LCA5L: variants seen among roughly 807,000 people sequenced by gnomAD.
LCA5L encodes the protein lebercilin LCA5 like.
Under a neutral mutation model 45.4 loss-of-function variants are expected in LCA5L, and 35 were observed. That is an observed-to-expected ratio of 0.77 (90% CI 0.59 to 1.02). The LOEUF (loss-of-function observed/expected upper bound fraction) is 1.02, where lower values mean the gene tolerates loss of function less well. Ranked by LOEUF, LCA5L falls within the 50% of genes least tolerant of loss-of-function variation. LCA5L has a pLI of 0.00. For synonymous variants in LCA5L, 233 were observed against 264.7 expected (o/e 0.88, Z 1.16); for missense variants, 668 against 761.6 (o/e 0.88, Z 1.45).
intron 2 of LCA5L, among the ~76,000 whole-genome samples, chr21:39,438,355 A>C (rs1427175071): frequency 1.3e-5 from 2 of 152,186 alleles, no homozygotes; most frequent in African/African-American, 4.8e-5. Flanking sequence ...ATGGGTTCAA[A>C]ATGTAAATGT....
chr21:39,414,742 C>CTCTCTGTGTGTGTG (rs1341489035), intron 7 of LCA5L, among the ~76,000 whole-genome samples: 40 of 99,224 alleles, frequency 4.0e-4, no homozygotes, highest in African/African-American at 1.3e-3. Context: ...CTCTCTCTCT[C>CTCTCTGTGTGTGTG]TGTGTGTGTG....
At chr21:39,417,704 G>A (rs888988206) in intron 7 of LCA5L, among the ~76,000 whole-genome samples, 1 of 152,048 alleles carries the variant, frequency 6.6e-6, no homozygotes, top group Non-Finnish European at 1.5e-5. Flanking sequence ...CTTCTTACAT[G>A]GCAGTGGACA....
chr21:39,415,979 G>GT (rs1393302903), intron 7 of LCA5L, among the ~76,000 whole-genome samples: 1 of 152,112 alleles, frequency 6.6e-6, no homozygotes, highest in Non-Finnish European at 1.5e-5. Flanking sequence ...CAGGAAGCGC[G>GT]TATCTCTTAT....
rs1256164510 is a variant in LCA5L, at chr21:39,428,471, T to G, written c.23A>C (p.Lys8Thr). The change falls in exon 5 of 11, where the codon AAA becomes ACA. Residue 8 changes from lysine to threonine, a missense_variant. Coordinates refer to ENST00000288350, the MANE Select transcript of LCA5L (RefSeq NM_152505.4). MSLADLT[K>T]TNIDEHFFGV... ...GAAGAAATGCTCATCTATATTTGTT[T>G]TTGTTAGATCAGCCAAAGACATAGC... The G allele has an allele frequency of 6.2e-7, 1 of 1,606,742 alleles. No homozygotes were observed. Among genetic ancestry groups the G allele is most frequent in the Non-Finnish European group, 8.5e-7 (1 of 1,177,692 alleles).
intron 7 of LCA5L, among the ~76,000 whole-genome samples, chr21:39,418,323 C>A (rs894546396): frequency 6.6e-6 from 1 of 152,102 alleles, no homozygotes; most frequent in Non-Finnish European, 1.5e-5. Flanking sequence ...CATAGTAGTA[C>A]ATCAAGATTC....
intron 8 of LCA5L, chr21:39,411,035 A>G: frequency 2.3e-6 from 1 of 429,974 alleles, no homozygotes; most frequent in South Asian, 1.7e-5. Context: ...GACCTCACCA[A>G]TGAGAGGTAT....
rs773355307 is a variant in LCA5L, at chr21:39,406,088, AG to A, written c.1806del (p.Phe603LeufsTer7). ...RDKKSSLMEE[L>X]FGSGYVLKTD... ...GTTTTCAAGACATAGCCTGATCCAAAGAGTTCTTCCATGAGACTGCTTTTCT... is the reference window on the plus strand; with the variant it reads ...GTTTTCAAGACATAGCCTGATCCAAAAGTTCTTCCATGAGACTGCTTTTCT... On this transcript the variant is annotated frameshift_variant, in exon 11 of 11. Coordinates refer to ENST00000288350, the MANE Select transcript of LCA5L (RefSeq NM_152505.4). LOFTEE classifies it low-confidence loss of function (END_TRUNC). The A allele has an allele frequency of 2.3e-5, 37 of 1,614,098 alleles. No homozygotes were observed. The highest frequency in any genetic ancestry group is 3.1e-5 in the Non-Finnish European group (36 of 1,180,040).
chr21:39,416,229 C>T (rs2147384676), intron 7 of LCA5L, among the ~76,000 whole-genome samples: 1 of 152,296 alleles, frequency 6.6e-6, no homozygotes, highest in South Asian at 2.1e-4. Context: ...CATGCTGTTC[C>T]CTAGTATCCT....
At chr21:39,443,281 AAAG>A (rs1439426127) in intron 2 of LCA5L, among the ~76,000 whole-genome samples, 3 of 152,344 alleles carry the variant, frequency 2.0e-5, no homozygotes, top group East Asian at 3.9e-4. Context: ...ACGTGGGGTC[AAAG>A]AAGATTCTTT....
In LCA5L at chr21:39,419,817, A is replaced by G. The variant is rs116290046; in HGVS notation, c.975+889T>C. Among the ~76,000 whole-genome samples, 179 of 152,320 alleles carry G rather than the reference A, an allele frequency of 1.2e-3. 1 individual carries two copies. The highest frequency in any genetic ancestry group is 3.7e-3 in the African/African-American group (154 of 41,586). On this transcript the variant is annotated intron_variant, in intron 7 of 10. Coordinates refer to ENST00000288350, the MANE Select transcript of LCA5L (RefSeq NM_152505.4). ...GCTTGAAACAGCGTATTTCTTAAGC[A>G]TCTTATCTAAATTGTTGGACATTTT... is the stretch of plus-strand genomic sequence containing the variant.
At chr21:39,421,008 A>C (rs957757209) in intron 6 of LCA5L, among the ~76,000 whole-genome samples, 165 bp from the exon 7 acceptor site, 5 of 152,230 alleles carry the variant, frequency 3.3e-5, no homozygotes, top group South Asian at 2.1e-4. Flanking sequence ...AACCGAAAGA[A>C]AGACCCCAAA....
rs1484114169 is a variant in LCA5L at position 39,409,213 on chromosome 21, A to G, written c.1282+766T>C. On this transcript the variant is annotated intron_variant, in intron 10 of 10. Transcript: ENST00000288350. The surrounding 1 kb of genome is among the most constrained non-coding windows in gnomAD (Gnocchi z 4.2). Reference sequence around the variant, plus strand: ...CACTAAGGAAACGCCACATGAAGACATAGTGAGAAGCGGGACATCTAAAGC... The same window carrying G: ...CACTAAGGAAACGCCACATGAAGACGTAGTGAGAAGCGGGACATCTAAAGC... Among the ~76,000 whole-genome samples, 1 of 152,168 alleles carries G rather than the reference A, an allele frequency of 6.6e-6. No homozygotes were observed. Among genetic ancestry groups the G allele is most frequent in the Non-Finnish European group, 1.5e-5 (1 of 68,010 alleles).
chr21:39,445,162 G>A (rs2148403168), intron 1 of LCA5L, among the ~76,000 whole-genome samples: 1 of 152,154 alleles, frequency 6.6e-6, no homozygotes, highest in African/African-American at 2.4e-5. Context: ...TTAACACGCT[G>A]AGGGGAGGGT....
chr21:39,420,553 CT>C (rs1164165888), intron 7 of LCA5L, among the ~76,000 whole-genome samples, 152 bp downstream of exon 7: 1 of 107,546 alleles, frequency 9.3e-6, no homozygotes, highest in Non-Finnish European at 2.0e-5. Flanking sequence ...ATAAACAGAA[CT>C]GTGGATGGGG....
chr21:39,409,655 C>T lies in LCA5L; in HGVS notation c.1282+324G>A, dbSNP rs1028412938. Among the ~76,000 whole-genome samples the T allele has an allele frequency of 6.6e-6, 1 of 152,078 alleles. No homozygotes were observed. Among genetic ancestry groups the T allele is most frequent in the African/African-American group, 2.4e-5 (1 of 41,414 alleles). ...TCACCCAGGTTGGAGTGCAGTGGCA[C>T]GATCTTGGCTCACTGCAACCTCTGC... On this transcript the variant is annotated intron_variant, in intron 10 of 10. Transcript: ENST00000288350. The surrounding 1 kb of genome is among the most constrained non-coding windows in gnomAD (Gnocchi z 4.2).
At chr21:39,431,469 AT>A (rs200013320) in intron 3 of LCA5L, among the ~76,000 whole-genome samples, 16 of 149,182 alleles carry the variant, frequency 1.1e-4, no homozygotes, top group African/African-American at 2.5e-4. Context: ...CATAAAGACA[AT>A]TTTTTTTTTG....
intron 7 of LCA5L, among the ~76,000 whole-genome samples, chr21:39,414,778 G>GTGTGTGTGTC (rs1304972876): frequency 6.7e-6 from 1 of 149,822 alleles, no homozygotes; most frequent in African/African-American, 2.5e-5. Flanking sequence ...GTGTGTGTGT[G>GTGTGTGTGTC]TCTGTGCATA....
chr21:39,407,538 C>G (rs939406478), intron 10 of LCA5L, among the ~76,000 whole-genome samples: 5 of 151,844 alleles, frequency 3.3e-5, no homozygotes, highest in Non-Finnish European at 5.9e-5. Context: ...AATAAAACCT[C>G]CTAAACATCT....
Position 39,445,732 on chromosome 21 carries a change from G to T in LCA5L, c.-320C>A, listed in dbSNP as rs557025418. ...CAGCAGCGGGGCCGTTACCTGCTCC[G>T]CGCTGTTCCCACGACTGCGCCAACG... On this transcript the variant is annotated 5_prime_UTR_variant, in exon 1 of 11. Transcript: ENST00000288350. 1 of 152,296 alleles carries T rather than the reference G, an allele frequency of 6.6e-6. No individual in the cohort carries two copies. 9.4% of individuals were successfully genotyped at this position (152,296 alleles called of 1,614,324 possible).
Sources: gnomAD v4.1 joint callset for allele counts (sites outside exome capture counted in the v4.1 genomes callset) on GRCh38, gnomAD v4.1.1 for gene constraint, Gnocchi (gnomAD v3.1) non-coding constraint, MANE v1.5 for transcripts, NCBI Gene and HGNC (gene_info 2026-07-23, HGNC 2026-07-21) for gene names.